Variants in IMPG1 observed in about 807,000 individuals in gnomAD.
IMPG1 encodes the protein interphotoreceptor matrix proteoglycan 1.
A neutral mutation model predicts 92.0 loss-of-function variants in IMPG1; 85 were observed. That is an observed-to-expected ratio of 0.92 (90% CI 0.78 to 1.11). IMPG1 has a LOEUF of 1.11. IMPG1 is among the 50% of genes least tolerant of loss of function. The pLI is 0.00. For synonymous variants in IMPG1, 367 were observed against 334.1 expected (o/e 1.10, Z -1.08); for missense variants, 1,022 against 956.0 (o/e 1.07, Z -0.91).
At chr6:76,011,741 C>A (rs1247006804) in intron 7 of IMPG1, among the ~76,000 whole-genome samples, 9 of 119,362 alleles carry the variant, frequency 7.5e-5, no homozygotes, top group African/African-American at 2.5e-4. Flanking sequence ...CCCCCTCCCC[C>A]CTCCCCACCA....
intron 12 of IMPG1, among the ~76,000 whole-genome samples, chr6:75,980,683 G>A (rs572447211): frequency 1.3e-5 from 2 of 152,288 alleles, no homozygotes; most frequent in South Asian, 2.1e-4. Flanking sequence ...GGGCTCTCAG[G>A]CCTTTGGCCA....
At chr6:75,995,415 T>C (rs1161497990) in intron 12 of IMPG1, among the ~76,000 whole-genome samples, 1 of 152,214 alleles carries the variant, frequency 6.6e-6, no homozygotes, top group Non-Finnish European at 1.5e-5. Context: ...TCCAAATTCC[T>C]GTGCTCTAGC....
intron 12 of IMPG1, among the ~76,000 whole-genome samples, chr6:75,984,653 T>G (rs1473847435): frequency 6.6e-6 from 1 of 152,236 alleles, no homozygotes; most frequent in African/African-American, 2.4e-5. Flanking sequence ...TGATATAGTT[T>G]GGATATTTAT....
intron 1 of IMPG1, among the ~76,000 whole-genome samples, chr6:76,068,225 T>C (rs1053076347): frequency 1.3e-5 from 2 of 152,108 alleles, no homozygotes; most frequent in African/African-American, 4.8e-5. Context: ...GTATTCCAAA[T>C]TGGAAAAGAA....
Position 76,056,791 on chromosome 6 carries a change from T to C in IMPG1, c.68-14665A>G, listed in dbSNP as rs1784127520. On this transcript the variant is annotated intron_variant, in intron 1 of 16. Transcript: ENST00000369950. ...CCGTGATGATTAGAGCACCTTTTCA[T>C]AGCTGTTGGCCATTTTTATGTCTTA... Among the ~76,000 whole-genome samples, 5 of 152,190 alleles carry C rather than the reference T, an allele frequency of 3.3e-5. No homozygotes were observed. The South Asian group carries it at 6.2e-4, about 19-fold the overall frequency.
At chr6:76,017,950 G>A (rs892384594) in intron 7 of IMPG1, among the ~76,000 whole-genome samples, 1 of 151,974 alleles carries the variant, frequency 6.6e-6, no homozygotes, top group African/African-American at 2.4e-5. Flanking sequence ...ACGGGATTTT[G>A]CCATGTTGGC....
At chr6:75,974,401 T>TTTCCTTCCTTCCTTCC (rs761519920) in intron 12 of IMPG1, among the ~76,000 whole-genome samples, 8 of 92,824 alleles carry the variant, frequency 8.6e-5, no homozygotes, top group East Asian at 4.2e-4. Context: ...CTTTTCTTTC[T>TTTCCTTCCTTCCTTCC]TTCCTTCCTT....
intron 12 of IMPG1, among the ~76,000 whole-genome samples, chr6:75,973,432 T>A (rs1782455667): frequency 6.6e-6 from 1 of 152,216 alleles, no homozygotes; most frequent in Non-Finnish European, 1.5e-5. Context: ...CAAATATTTA[T>A]TGCCTGTTGA....
intron 7 of IMPG1, among the ~76,000 whole-genome samples, chr6:76,017,331 A>T (rs993288883): frequency 3.3e-5 from 5 of 152,182 alleles, no homozygotes; most frequent in Non-Finnish European, 7.3e-5. Flanking sequence ...AAGGTCAGAG[A>T]TGGAAGAGAC....
At chr6:75,953,558 C>T (rs1353259612) in intron 12 of IMPG1, among the ~76,000 whole-genome samples, 1 of 151,944 alleles carries the variant, frequency 6.6e-6, no homozygotes, top group Non-Finnish European at 1.5e-5. Context: ...CTTCCAGCTT[C>T]ATCCATGTCC....
rs749795835 is a variant in IMPG1, at chr6:76,034,348, A to G, written c.469-5T>C. The G allele has an allele frequency of 1.1e-5, 18 of 1,612,252 alleles. No homozygotes were observed. In the South Asian group the frequency reaches 1.8e-4, roughly 16 times the overall value. ...GAAACTTCTCTGTTTTATTCTCTGCAAAAAGATAAAGATAAAATGTAATTT... is the reference window on the plus strand; with the variant it reads ...GAAACTTCTCTGTTTTATTCTCTGCGAAAAGATAAAGATAAAATGTAATTT... On this transcript the variant is annotated splice_polypyrimidine_tract_variant and splice_region_variant and intron_variant, in intron 3 of 16. Coordinates refer to ENST00000369950, the MANE Select transcript of IMPG1 (RefSeq NM_001563.4).
In IMPG1 at chr6:76,041,964, C is replaced by T. The variant is rs1376651095; in HGVS notation, c.230G>A (p.Gly77Glu). Residue 77 changes from glycine (G) to glutamate (E), a missense_variant, in exon 2 of 17, where the codon GGG (glycine) becomes GAG (glutamate). Transcript: ENST00000369950. ...GGATTCCTGTGGACAGACTTTAACC[C>T]CCGTTGGGAAAAATGCGGATCTTTT... ...RTKRSAFFPT[G>E]VKVCPQESMK... 3 of 1,613,880 alleles carry T rather than the reference C, an allele frequency of 1.9e-6. No individual in the cohort carries two copies. The highest frequency in any genetic ancestry group is 2.7e-5 in the African/African-American group (2 of 74,918).
intron 12 of IMPG1, among the ~76,000 whole-genome samples, chr6:75,954,774 G>A (rs1232434038): frequency 6.6e-6 from 1 of 152,016 alleles, no homozygotes; most frequent in Non-Finnish European, 1.5e-5. Context: ...TTAATCCATC[G>A]TGAGTTAATT....
At chr6:76,036,776 T>C in intron 2 of IMPG1, among the ~76,000 whole-genome samples, 1 of 66,726 alleles carries the variant, frequency 1.5e-5, no homozygotes, top group East Asian at 3.2e-4. Flanking sequence ...AAGAATTTGA[T>C]GGTAAATATT....
intron 12 of IMPG1, among the ~76,000 whole-genome samples, chr6:75,972,918 T>C (rs753882614): frequency 6.6e-6 from 1 of 152,178 alleles, no homozygotes; most frequent in South Asian, 2.1e-4. Context: ...ACTAATCTAA[T>C]GATCATTTTT....
At chr6:75,962,136 T>C (rs1015999970) in intron 12 of IMPG1, among the ~76,000 whole-genome samples, 3 of 152,136 alleles carry the variant, frequency 2.0e-5, no homozygotes, top group Non-Finnish European at 2.9e-5. Context: ...ATTTTGTTTT[T>C]TGAGACAGGT....
chr6:75,963,009 C>G (rs897525080), intron 12 of IMPG1, among the ~76,000 whole-genome samples: 1 of 151,728 alleles, frequency 6.6e-6, no homozygotes, highest in African/African-American at 2.4e-5. Flanking sequence ...CCACTGTACT[C>G]CAGCCTAGCC....
intron 1 of IMPG1, among the ~76,000 whole-genome samples, chr6:76,069,567 A>G (rs1399036497): frequency 6.6e-6 from 1 of 152,126 alleles, no homozygotes; most frequent in Admixed American, 6.6e-5. Context: ...GTCAAAGAAG[A>G]CTTCTCAAAT....
chr6:76,055,074 A>G (rs1582133485), intron 1 of IMPG1, among the ~76,000 whole-genome samples: 1 of 152,152 alleles, frequency 6.6e-6, no homozygotes, highest in East Asian at 1.9e-4. Flanking sequence ...GCCTGACCTA[A>G]TGGACATGTA....
Sources: allele counts gnomAD v4.1 joint callset (sites outside exome capture counted in the v4.1 genomes callset), GRCh38; gene constraint gnomAD v4.1.1; transcripts MANE v1.5; gene names NCBI Gene and HGNC (gene_info 2026-07-23, HGNC 2026-07-21).